The following KCNMA1 variants were observed in gnomAD, a reference collection of about 807,000 sequenced individuals.
The protein encoded by KCNMA1 is potassium calcium-activated channel subfamily M alpha 1, also known as Calcium-activated potassium channel subunit alpha-1.
In KCNMA1, 29 loss-of-function variants were observed where a neutral mutation model predicts 140.0. The observed-to-expected ratio is 0.21, with a 90% CI of 0.15 to 0.28. The LOEUF is 0.28. Ranked by LOEUF, KCNMA1 falls within the 10% of genes least tolerant of loss-of-function variation. KCNMA1 has a pLI of 1.00. For synonymous variants in KCNMA1, 612 were observed against 611.9 expected (o/e 1.00, Z 0.00); for missense variants, 880 against 1,602.2 (o/e 0.55, Z 7.70).
chr10:77,283,304 T>C (rs1050199210), intron 2 of KCNMA1, among the ~76,000 whole-genome samples: 23 of 152,176 alleles, frequency 1.5e-4, no homozygotes, highest in Admixed American at 1.5e-3. Context: ...ACTGTCTAGA[T>C]AGAAGTTAAA....
chr10:77,456,990 T>G (rs544743710), intron 1 of KCNMA1, among the ~76,000 whole-genome samples: 93 of 152,272 alleles, frequency 6.1e-4, no homozygotes, highest in African/African-American at 2.1e-3. Flanking sequence ...TGTTGAATCT[T>G]TTGGTGGCAC....
chr10:77,000,109 C>T (rs377003625), intron 19 of KCNMA1, among the ~76,000 whole-genome samples: 23 of 152,106 alleles, frequency 1.5e-4, no homozygotes, highest in Admixed American at 2.0e-4. Flanking sequence ...TTCCTCCTGT[C>T]GTCAGTGTAC....
At chr10:77,020,790 T>G (rs2092745581) in intron 16 of KCNMA1, 1 of 152,206 alleles carries the variant, frequency 6.6e-6, no homozygotes, top group East Asian at 1.9e-4. Flanking sequence ...CCTCCTTTCC[T>G]GCAAGGCAGT....
At chr10:77,023,718 C>T (rs1053172786) in intron 16 of KCNMA1, among the ~76,000 whole-genome samples, 1 of 152,168 alleles carries the variant, frequency 6.6e-6, no homozygotes, top group East Asian at 1.9e-4. Context: ...AGAGAAACCC[C>T]ACATCTCAAA....
chr10:77,352,205 A>G (rs964230252), intron 2 of KCNMA1, among the ~76,000 whole-genome samples: 2 of 152,170 alleles, frequency 1.3e-5, no homozygotes, highest in Non-Finnish European at 2.9e-5. Flanking sequence ...AAAATATCCT[A>G]CTTTCATTGC....
At chr10:77,329,276 T>G (rs546698097) in intron 2 of KCNMA1, among the ~76,000 whole-genome samples, 2 of 152,364 alleles carry the variant, frequency 1.3e-5, no homozygotes, top group East Asian at 3.9e-4. Flanking sequence ...TGCTATGGTC[T>G]GAATGTTTTG....
intron 23 of KCNMA1, among the ~76,000 whole-genome samples, chr10:76,935,403 T>C (rs142478513): frequency 6.6e-6 from 1 of 152,334 alleles, no homozygotes; most frequent in Non-Finnish European, 1.5e-5. Context: ...GACAGGCTGA[T>C]GTGCCGAGAA....
chr10:77,631,743 G>A (rs2093234155), intron 1 of KCNMA1, among the ~76,000 whole-genome samples: 1 of 152,194 alleles, frequency 6.6e-6, no homozygotes, highest in Admixed American at 6.5e-5. Context: ...GAGGCAAAGA[G>A]AAGGTCCATT....
chr10:77,036,533 C>T (rs186701772), intron 15 of KCNMA1, among the ~76,000 whole-genome samples: 61 of 152,326 alleles, frequency 4.0e-4, no homozygotes, highest in Admixed American at 3.9e-3. Context: ...ATTGTTTTAG[C>T]GCAGCGCATA....
At chr10:77,482,748 A>G (rs951935855) in intron 1 of KCNMA1, among the ~76,000 whole-genome samples, 4 of 151,990 alleles carry the variant, frequency 2.6e-5, no homozygotes, top group African/African-American at 9.7e-5. Context: ...CCTCTGGCCT[A>G]AAGAAGCTCT....
intron 3 of KCNMA1, among the ~76,000 whole-genome samples, chr10:77,198,865 G>A (rs893219014): frequency 3.9e-5 from 6 of 152,080 alleles, no homozygotes; most frequent in Non-Finnish European, 8.8e-5. Flanking sequence ...CAAGCCCCGT[G>A]CTTATAAATT....
intron 23 of KCNMA1, among the ~76,000 whole-genome samples, chr10:76,928,169 T>C (rs537165190): frequency 6.6e-6 from 1 of 152,082 alleles, no homozygotes; most frequent in African/African-American, 2.4e-5. Context: ...TTAATCTCCT[T>C]GAAACAGAAG....
At chr10:77,310,019 A>G (rs1325819590) in intron 2 of KCNMA1, among the ~76,000 whole-genome samples, 1 of 152,146 alleles carries the variant, frequency 6.6e-6, no homozygotes, top group Non-Finnish European at 1.5e-5. Context: ...GCTGAATTGC[A>G]TCATGTATGA....
intron 2 of KCNMA1, among the ~76,000 whole-genome samples, chr10:77,390,837 C>CT (rs138837467): frequency 0.016 from 2,322 of 149,302 alleles, 47 homozygotes; most frequent in African/African-American, 0.051. Flanking sequence ...TGAAATGCCA[C>CT]TTTTTTTTTT....
At chr10:77,560,732 G>T (rs2066084784) in intron 1 of KCNMA1, among the ~76,000 whole-genome samples, 1 of 152,352 alleles carries the variant, frequency 6.6e-6, no homozygotes, top group Middle Eastern at 3.4e-3. Context: ...AGGAGGCCCT[G>T]AGAAGAGATG....
At chr10:77,158,946 G>A (rs1435624179) in intron 5 of KCNMA1, among the ~76,000 whole-genome samples, 21 of 152,220 alleles carry the variant, frequency 1.4e-4, no homozygotes, top group Middle Eastern at 3.4e-3. Context: ...CTTGAGCAAC[G>A]GCACACCCTT....
chr10:77,094,641 A>G (rs1363831741), intron 9 of KCNMA1, among the ~76,000 whole-genome samples: 5 of 152,182 alleles, frequency 3.3e-5, no homozygotes, highest in African/African-American at 1.2e-4. Context: ...CTGAAGCCAT[A>G]TGATTGGAGC....
chr10:77,199,536 A>T (rs2041789858), intron 3 of KCNMA1, among the ~76,000 whole-genome samples: 1 of 152,224 alleles, frequency 6.6e-6, no homozygotes, highest in African/African-American at 2.4e-5. Flanking sequence ...ATGAGTTAGT[A>T]AACGTGAACT....
intron 17 of KCNMA1, chr10:77,012,486 A>G (rs1331123257): frequency 1.3e-6 from 2 of 1,550,366 alleles, no homozygotes; most frequent in South Asian, 2.4e-5. Context: ...TCTCAGTCAA[A>G]TAAAAATATC....
Sources: gnomAD v4.1 joint callset for allele counts (sites outside exome capture counted in the v4.1 genomes callset) on GRCh38, gnomAD v4.1.1 for gene constraint, MANE v1.5 for transcripts, NCBI Gene and HGNC (gene_info 2026-07-23, HGNC 2026-07-21) for gene names.